The following SORCS3 variants were observed in gnomAD, a reference collection of about 807,000 sequenced individuals.
The protein encoded by SORCS3 is sortilin related VPS10 domain containing receptor 3.
SORCS3 carries 57 observed loss-of-function variants against 146.3 expected under a neutral mutation model. That is an observed-to-expected ratio of 0.39 (90% CI 0.31 to 0.49). SORCS3 has a LOEUF of 0.49. SORCS3 is among the 20% of genes least tolerant of loss of function. The pLI is 0.92. For synonymous variants in SORCS3, 653 were observed against 618.5 expected (o/e 1.06, Z -0.83); for missense variants, 1,341 against 1,575.5 (o/e 0.85, Z 2.52).
chr10:104,855,593 G>A (rs1358543279), intron 2 of SORCS3, among the ~76,000 whole-genome samples: 3 of 152,122 alleles, frequency 2.0e-5, no homozygotes, highest in African/African-American at 7.2e-5. Flanking sequence ...AAAATATATT[G>A]TTTGTTTAAT....
intron 20 of SORCS3, among the ~76,000 whole-genome samples, chr10:105,242,494 AT>A (rs2056834000): frequency 3.1e-4 from 5 of 15,952 alleles, no homozygotes; most frequent in African/African-American, 1.4e-3. Context: ...TTATATATTT[AT>A]ATATATTTAT....
intron 5 of SORCS3, among the ~76,000 whole-genome samples, chr10:105,047,228 C>T (rs2055379743): frequency 6.6e-6 from 1 of 151,972 alleles, no homozygotes; most frequent in African/African-American, 2.4e-5. Context: ...ACATGCTCAG[C>T]CTCTTTGGGC....
chr10:104,988,719 T>G (rs1382512382), intron 4 of SORCS3, among the ~76,000 whole-genome samples: 2 of 152,214 alleles, frequency 1.3e-5, no homozygotes, highest in African/African-American at 2.4e-5. Context: ...AAATCATGAA[T>G]ATGTATTATG....
chr10:105,092,608 A>AAC (rs61665816), intron 6 of SORCS3, among the ~76,000 whole-genome samples: 50,796 of 147,204 alleles, frequency 0.35, 8,848 homozygotes, highest in Admixed American at 0.45. Flanking sequence ...TGCATTCACA[A>AAC]ACACACACAC....
intron 5 of SORCS3, among the ~76,000 whole-genome samples, chr10:105,089,529 T>C (rs1235392585): frequency 1.3e-5 from 2 of 152,180 alleles, no homozygotes; most frequent in Admixed American, 1.3e-4. Flanking sequence ...TCTTCTCTAT[T>C]TTCTTTGAAT....
chr10:104,654,065 G>T (rs1221198167), intron 1 of SORCS3, among the ~76,000 whole-genome samples: 1 of 151,890 alleles, frequency 6.6e-6, no homozygotes, highest in African/African-American at 2.4e-5. Flanking sequence ...TGTGTCTTTT[G>T]GTGCCTGGCT....
chr10:105,025,881 C>CACACACACACACACA (rs1554870021), intron 4 of SORCS3, among the ~76,000 whole-genome samples: 3 of 148,628 alleles, frequency 2.0e-5, no homozygotes, highest in African/African-American at 7.5e-5. Context: ...CACACACACA[C>CACACACACACACACA]CTGAAGAACA....
intron 6 of SORCS3, among the ~76,000 whole-genome samples, chr10:105,102,244 C>T (rs2055790097): frequency 1.3e-5 from 2 of 152,186 alleles, no homozygotes; most frequent in Non-Finnish European, 2.9e-5. Context: ...TTCATTACAG[C>T]ACTATTCACA....
At chr10:104,662,052 T>C (rs1242264505) in intron 1 of SORCS3, among the ~76,000 whole-genome samples, 1 of 152,150 alleles carries the variant, frequency 6.6e-6, no homozygotes, top group Non-Finnish European at 1.5e-5. Context: ...AACAGAAAAC[T>C]GTGATGAAGA....
At chr10:104,747,072 A>G (rs191652662) in intron 1 of SORCS3, among the ~76,000 whole-genome samples, 1 of 152,300 alleles carries the variant, frequency 6.6e-6, no homozygotes, top group East Asian at 1.9e-4. Flanking sequence ...TTGCTCTACT[A>G]AGGGTGGCTC....
At chr10:104,725,008 G>C (rs7081311) in intron 1 of SORCS3, among the ~76,000 whole-genome samples, 2 of 151,746 alleles carry the variant, frequency 1.3e-5, no homozygotes, top group African/African-American at 4.8e-5. Context: ...GCTTTGTTCT[G>C]TTGCTGGTGA....
At chr10:105,075,150 G>T (rs2055580739) in intron 5 of SORCS3, among the ~76,000 whole-genome samples, 1 of 152,044 alleles carries the variant, frequency 6.6e-6, no homozygotes, top group East Asian at 1.9e-4. Flanking sequence ...ACATAATCTT[G>T]CATCTAATTA....
At chr10:105,218,432 G>A (rs1054249795) in intron 19 of SORCS3, among the ~76,000 whole-genome samples, 13 of 152,332 alleles carry the variant, frequency 8.5e-5, no homozygotes, top group African/African-American at 3.1e-4. Context: ...GCACTGGGAG[G>A]TAACAATGCA....
At chr10:104,647,698 A>G (rs2015511339) in intron 1 of SORCS3, among the ~76,000 whole-genome samples, 1 of 152,226 alleles carries the variant, frequency 6.6e-6, no homozygotes, top group Non-Finnish European at 1.5e-5. Flanking sequence ...GAGAGGAAAG[A>G]AGATCATTTT....
chr10:105,209,072 T>C (rs2056619102), intron 16 of SORCS3, among the ~76,000 whole-genome samples: 1 of 152,212 alleles, frequency 6.6e-6, no homozygotes, highest in Non-Finnish European at 1.5e-5. Flanking sequence ...GTCCACATTG[T>C]AGCATCAGTT....
At chr10:104,891,585 G>A (rs941729299) in intron 2 of SORCS3, among the ~76,000 whole-genome samples, 5 of 152,108 alleles carry the variant, frequency 3.3e-5, no homozygotes, top group Admixed American at 3.3e-4. Context: ...CTGTCTCTTA[G>A]GGATGCTTCT....
At chr10:104,904,893 G>A (rs6584632) in intron 2 of SORCS3, among the ~76,000 whole-genome samples, 73,663 of 151,596 alleles carry the variant, frequency 0.49, 21,306 homozygotes, top group African/African-American at 0.82. Context: ...GTGGTAACCA[G>A]TCTACTGAGC....
chr10:104,655,818 C>T (rs754850775), intron 1 of SORCS3, among the ~76,000 whole-genome samples: 4 of 152,204 alleles, frequency 2.6e-5, no homozygotes, highest in Non-Finnish European at 5.9e-5. Context: ...AAGACATCTG[C>T]TCCCCCTTTG....
intron 1 of SORCS3, among the ~76,000 whole-genome samples, chr10:104,644,410 A>G (rs557152190): frequency 1.3e-5 from 2 of 152,374 alleles, no homozygotes; most frequent in South Asian, 4.1e-4. Flanking sequence ...ATGGAGAAGC[A>G]TACTCACATG....
Sources: gnomAD v4.1 joint callset for allele counts (sites outside exome capture counted in the v4.1 genomes callset) on GRCh38, gnomAD v4.1.1 for gene constraint, MANE v1.5 for transcripts, NCBI Gene and HGNC (gene_info 2026-07-23, HGNC 2026-07-21) for gene names.